UST: variants seen among roughly 807,000 people sequenced by gnomAD.
The protein encoded by UST is uronyl 2-sulfotransferase.
In UST, 21 loss-of-function variants were observed where a neutral mutation model predicts 45.6. That is an observed-to-expected ratio of 0.46 (90% CI 0.33 to 0.66). The LOEUF (loss-of-function observed/expected upper bound fraction) is 0.66, where lower values mean the gene tolerates loss of function less well. UST is among the 30% of genes least tolerant of loss of function. The probability of loss-of-function intolerance (pLI) is 0.02; values close to 1 mark genes in which losing one functional copy is unlikely to be tolerated. For missense variants in UST, 463 were observed against 512.4 expected, an observed-to-expected ratio of 0.90 and a Z score of 0.93; for synonymous variants, 215 against 200.6, an observed-to-expected ratio of 1.07 and a Z score of -0.61.
At chr6:148,820,312 A>ATG (rs1777431561) in intron 1 of UST, among the ~76,000 whole-genome samples, 4 of 150,416 alleles carry the variant, frequency 2.7e-5, no homozygotes, top group Non-Finnish European at 6.0e-5. Flanking sequence ...CTCTCAAGAC[A>ATG]CGTGTGTGTG....
At chr6:149,014,903 G>A (rs1165461639) in intron 5 of UST, among the ~76,000 whole-genome samples, 1 of 152,198 alleles carries the variant, frequency 6.6e-6, no homozygotes. Flanking sequence ...ACTGTCAATA[G>A]GAGTCCTCCA....
intron 5 of UST, among the ~76,000 whole-genome samples, chr6:148,985,910 G>A (rs1327256110): frequency 6.6e-6 from 1 of 152,196 alleles, no homozygotes; most frequent in East Asian, 1.9e-4. Flanking sequence ...TTTATTGGGG[G>A]AAATGCCTGT....
chr6:148,771,957 G>A (rs751361319), intron 1 of UST, among the ~76,000 whole-genome samples: 45 of 152,128 alleles, frequency 3.0e-4, no homozygotes, highest in Non-Finnish European at 5.3e-4. Flanking sequence ...ATATCTATTC[G>A]ATCTTAGAGA....
At position 148,790,207 on chromosome 6, in the gene UST, G is replaced by A. The variant is rs1439355498; in HGVS notation, c.247+42530G>A. Among the ~76,000 whole-genome samples the A allele has an allele frequency of 6.6e-6, 1 of 152,138 alleles. No homozygotes were observed. Among genetic ancestry groups the A allele is most frequent in the Non-Finnish European group, 1.5e-5 (1 of 68,026 alleles). On this transcript the variant is annotated intron_variant, in intron 1 of 7. Coordinates refer to ENST00000367463, the MANE Select transcript of UST (RefSeq NM_005715.3). This position sits in a 1 kb window ranked among gnomAD's most constrained non-coding sequence, Gnocchi z 4.2. Reference sequence around the variant, plus strand: ...AGGCGGCAGCCTCGCTGGGTGGATTGAGTGGTTACCTTGGATCCCTTCATG... The same window carrying A: ...AGGCGGCAGCCTCGCTGGGTGGATTAAGTGGTTACCTTGGATCCCTTCATG...
At chr6:148,913,079 C>T (rs1325316022) in intron 2 of UST, among the ~76,000 whole-genome samples, 1 of 149,644 alleles carries the variant, frequency 6.7e-6, no homozygotes, top group Admixed American at 6.7e-5. Context: ...TCTCAAATAA[C>T]TTTGTGCAGA....
intron 7 of UST, among the ~76,000 whole-genome samples, chr6:149,036,128 A>C (rs1776236735): frequency 6.6e-6 from 1 of 152,126 alleles, no homozygotes. Context: ...ATCGGTATGG[A>C]GCCTCTGCCC....
intron 1 of UST, among the ~76,000 whole-genome samples, chr6:148,836,378 A>C (rs969849247): frequency 4.6e-5 from 7 of 152,166 alleles, no homozygotes; most frequent in African/African-American, 1.7e-4. Context: ...TCTCACAAAA[A>C]CCCAAACAAA....
chr6:148,820,170 C>A (rs1236744811), intron 1 of UST, among the ~76,000 whole-genome samples: 1 of 152,170 alleles, frequency 6.6e-6, no homozygotes, highest in Non-Finnish European at 1.5e-5. Context: ...ATCCTCTAAT[C>A]TTTTTCCTTT....
chr6:148,800,928 T>C (rs549310724), intron 1 of UST, among the ~76,000 whole-genome samples: 2 of 152,264 alleles, frequency 1.3e-5, no homozygotes, highest in African/African-American at 4.8e-5. Flanking sequence ...AAGAAAGATA[T>C]TGGTAAATTC....
At chr6:148,927,925 T>A (rs955033853) in intron 2 of UST, among the ~76,000 whole-genome samples, 1 of 152,192 alleles carries the variant, frequency 6.6e-6, no homozygotes, top group Non-Finnish European at 1.5e-5. Context: ...TCAAACAATC[T>A]CCCTTACTTT....
chr6:148,839,581 G>A (rs188787568), intron 1 of UST, among the ~76,000 whole-genome samples: 3 of 152,290 alleles, frequency 2.0e-5, no homozygotes, highest in African/African-American at 4.8e-5. Context: ...AAGAGGTGAC[G>A]TTGATGCTGC....
intron 5 of UST, among the ~76,000 whole-genome samples, chr6:149,013,487 T>C (rs1393243647): frequency 6.6e-6 from 1 of 151,732 alleles, no homozygotes; most frequent in Non-Finnish European, 1.5e-5. Context: ...AATTGCGTCA[T>C]TGCACTCCAG....
At chr6:149,013,597 A>G (rs1482145066) in intron 5 of UST, among the ~76,000 whole-genome samples, 2 of 152,160 alleles carry the variant, frequency 1.3e-5, no homozygotes, top group Non-Finnish European at 2.9e-5. Flanking sequence ...GAGATTATGT[A>G]GCTGAGAGAA....
At chr6:148,847,173 C>A (rs561569904) in intron 1 of UST, among the ~76,000 whole-genome samples, 1 of 152,368 alleles carries the variant, frequency 6.6e-6, no homozygotes, top group East Asian at 1.9e-4. Context: ...TAAAGCAACA[C>A]CTTATTCATT....
chr6:148,882,978 C>A (rs1013632658), intron 1 of UST, among the ~76,000 whole-genome samples: 2 of 152,192 alleles, frequency 1.3e-5, no homozygotes, highest in African/African-American at 4.8e-5. Context: ...AGAACTAGTG[C>A]GGCCCACATT....
intron 3 of UST, among the ~76,000 whole-genome samples, chr6:148,951,472 C>T (rs1253800908): frequency 2.0e-5 from 3 of 152,102 alleles, no homozygotes; most frequent in Non-Finnish European, 4.4e-5. Flanking sequence ...GAATTTATGC[C>T]ATGGAATCAG....
chr6:148,898,864 G>C (rs940345487), intron 2 of UST, among the ~76,000 whole-genome samples: 10 of 152,182 alleles, frequency 6.6e-5, no homozygotes, highest in African/African-American at 2.2e-4. Context: ...TTAACTGGTT[G>C]TTGGGGCTGG....
chr6:148,833,994 G>A (rs557242595), intron 1 of UST, among the ~76,000 whole-genome samples: 40 of 152,244 alleles, frequency 2.6e-4, no homozygotes, highest in African/African-American at 7.0e-4. Context: ...CCTTTTCACC[G>A]TCTTGTTTTT....
At chr6:148,829,694 G>A (rs1168780473) in intron 1 of UST, among the ~76,000 whole-genome samples, 1 of 152,076 alleles carries the variant, frequency 6.6e-6, no homozygotes, top group African/African-American at 2.4e-5. Context: ...GTTTGGAATG[G>A]TTGGGGGTTC....
Sources: gnomAD v4.1 joint callset for allele counts (sites outside exome capture counted in the v4.1 genomes callset) on GRCh38, gnomAD v4.1.1 for gene constraint, Gnocchi (gnomAD v3.1) non-coding constraint, MANE v1.5 for transcripts, NCBI Gene and HGNC (gene_info 2026-07-23, HGNC 2026-07-21) for gene names.